PDE8B: variants seen among roughly 807,000 people sequenced by gnomAD.
The protein encoded by PDE8B is high affinity cAMP-specific and IBMX-insensitive 3',5'-cyclic phosphodiesterase 8B.
PDE8B carries 26 observed loss-of-function variants against 101.3 expected under a neutral mutation model. The ratio of observed to expected loss-of-function variants is 0.26; its 90% CI spans 0.19 to 0.36. The LOEUF is 0.36. PDE8B is among the 10% of genes least tolerant of loss of function. The probability of loss-of-function intolerance (pLI) is 1.00; values close to 1 mark genes in which losing one functional copy is unlikely to be tolerated. For missense variants in PDE8B, 810 were observed against 1,163.1 expected (o/e 0.70, Z 4.42); for synonymous variants, 424 against 429.3 (o/e 0.99, Z 0.15).
the PDE8B span, among the ~76,000 whole-genome samples, chr5:77,153,940 C>A: frequency 6.6e-6 from 1 of 152,170 alleles, no homozygotes; most frequent in Admixed American, 6.5e-5. Context: ...TTTTCTCAAT[C>A]CTTTTGCTAT....
intron 2 of PDE8B, among the ~76,000 whole-genome samples, chr5:77,317,697 AC>A (rs1466036967): frequency 5.9e-5 from 9 of 152,074 alleles, no homozygotes; most frequent in African/African-American, 2.2e-4. Flanking sequence ...CTTCATCCAT[AC>A]CTGGAACACG....
intron 10 of PDE8B, among the ~76,000 whole-genome samples, chr5:77,359,807 A>G (rs1383961834): frequency 6.6e-6 from 1 of 152,170 alleles, no homozygotes; most frequent in Non-Finnish European, 1.5e-5. Context: ...TAAGAAAAGT[A>G]AGATAGACTG....
At chr5:77,217,456 G>T (rs1750032727) in intron 1 of PDE8B, among the ~76,000 whole-genome samples, 1 of 151,972 alleles carries the variant, frequency 6.6e-6, no homozygotes, top group African/African-American at 2.4e-5. Flanking sequence ...ATTAAAATGT[G>T]TCCAGGAATT....
chr5:77,094,184 C>T, the PDE8B span, among the ~76,000 whole-genome samples: 1 of 152,104 alleles, frequency 6.6e-6, no homozygotes, highest in Non-Finnish European at 1.5e-5. Flanking sequence ...TCAACATAAA[C>T]TCCATTAAGT....
At chr5:77,409,104 C>CTA in intron 14 of PDE8B, 47 bp downstream of exon 14, 1 of 1,519,782 alleles carries the variant, frequency 6.6e-7, no homozygotes, top group Non-Finnish European at 9.1e-7. Flanking sequence ...TATCCGGGGC[C>CTA]TCTAGAGTGC....
intron 1 of PDE8B, among the ~76,000 whole-genome samples, chr5:77,251,755 T>C (rs553830261): frequency 6.6e-6 from 1 of 152,248 alleles, no homozygotes; most frequent in South Asian, 2.1e-4. Flanking sequence ...TTTTGTGGTT[T>C]AATTCTCTGT....
At chr5:77,204,534 C>G in the PDE8B span, among the ~76,000 whole-genome samples, 1 of 152,118 alleles carries the variant, frequency 6.6e-6, no homozygotes, top group Non-Finnish European at 1.5e-5. Context: ...GCGGTAGAAC[C>G]TACAGTGACT....
intron 1 of PDE8B, among the ~76,000 whole-genome samples, chr5:77,257,784 G>A (rs1030168554): frequency 6.6e-6 from 1 of 152,012 alleles, no homozygotes; most frequent in African/African-American, 2.4e-5. Context: ...TATTAAGCCC[G>A]GCATGCATTA....
At chr5:77,425,954 CT>C in intron 21 of PDE8B, 58 bp downstream of exon 21, 1 of 1,517,692 alleles carries the variant, frequency 6.6e-7, no homozygotes, top group Non-Finnish European at 9.1e-7. Flanking sequence ...CGAATATTAT[CT>C]TTAGTGACAC....
chr5:77,321,350 C>T (rs565376218), intron 2 of PDE8B, among the ~76,000 whole-genome samples: 11 of 152,104 alleles, frequency 7.2e-5, no homozygotes, highest in Admixed American at 7.2e-4. Flanking sequence ...AGGGTTTCTC[C>T]ATGTTGGTCA....
chr5:77,108,767 T>C, the PDE8B span, among the ~76,000 whole-genome samples: 1 of 152,246 alleles, frequency 6.6e-6, no homozygotes, highest in African/African-American at 2.4e-5. Context: ...ATTTTTATTT[T>C]TTACTTTTTG....
intron 1 of PDE8B, among the ~76,000 whole-genome samples, chr5:77,261,027 A>G (rs1191898116): frequency 2.0e-5 from 3 of 152,212 alleles, no homozygotes; most frequent in Non-Finnish European, 4.4e-5. Flanking sequence ...GATCAAGACC[A>G]CACTTCAGAT....
chr5:77,310,406 A>C (rs1372741292), intron 1 of PDE8B, among the ~76,000 whole-genome samples: 1 of 152,236 alleles, frequency 6.6e-6, no homozygotes, highest in African/African-American at 2.4e-5. Context: ...CTCCCAGTAG[A>C]GTTGCTCTTG....
At chr5:77,130,436 G>A in the PDE8B span, among the ~76,000 whole-genome samples, 2 of 152,152 alleles carry the variant, frequency 1.3e-5, no homozygotes, top group Non-Finnish European at 2.9e-5. Context: ...TCGGGGCGGG[G>A]AGGGGAGTTC....
At chr5:77,304,375 G>T (rs1402111698) in intron 1 of PDE8B, among the ~76,000 whole-genome samples, 1 of 151,724 alleles carries the variant, frequency 6.6e-6, no homozygotes, top group East Asian at 1.9e-4. Context: ...TTTGTTTTTG[G>T]CTGTCTTCTT....
intron 1 of PDE8B, among the ~76,000 whole-genome samples, chr5:77,291,951 A>G (rs1767450275): frequency 6.6e-6 from 1 of 152,148 alleles, no homozygotes; most frequent in Non-Finnish European, 1.5e-5. Flanking sequence ...CCCTGATTAA[A>G]TCAAAAGACT....
At chr5:77,195,736 G>A in the PDE8B span, among the ~76,000 whole-genome samples, 1 of 152,086 alleles carries the variant, frequency 6.6e-6, no homozygotes, top group Non-Finnish European at 1.5e-5. Flanking sequence ...TTATGATAAA[G>A]TATAGAGAAA....
At chr5:77,311,961 C>T (rs748715766) in intron 1 of PDE8B, 33 bp from the exon 2 acceptor site, 6 of 1,579,322 alleles carry the variant, frequency 3.8e-6, no homozygotes, top group South Asian at 1.1e-5. Flanking sequence ...TAGTTTAAGA[C>T]TTGACGCTTC....
chr5:77,169,719 C>G, the PDE8B span, among the ~76,000 whole-genome samples: 2 of 152,142 alleles, frequency 1.3e-5, no homozygotes, highest in Non-Finnish European at 2.9e-5. Context: ...CATCCTGAAA[C>G]TCACTCCAAC....
Sources: gnomAD v4.1 joint callset for allele counts (sites outside exome capture counted in the v4.1 genomes callset) on GRCh38, gnomAD v4.1.1 for gene constraint, MANE v1.5 for transcripts, NCBI Gene and HGNC (gene_info 2026-07-23, HGNC 2026-07-21) for gene names.